Variants in ICE1 observed in about 807,000 individuals in gnomAD.
ICE1 encodes little elongation complex subunit 1.
A neutral mutation model predicts 192.7 loss-of-function variants in ICE1; 64 were observed. The observed-to-expected ratio is 0.33, with a 90% CI of 0.27 to 0.41. The LOEUF (loss-of-function observed/expected upper bound fraction) is 0.41, where lower values mean the gene tolerates loss of function less well. Among genes scored for constraint, ICE1 ranks in the 10% least tolerant of loss-of-function variants. ICE1 has a pLI of 1.00. For missense variants in ICE1, 2,708 were observed against 2,696.0 expected (o/e 1.00, Z -0.10); for synonymous variants, 1,010 against 984.5 (o/e 1.03, Z -0.49).
Position 5,489,505 on chromosome 5 carries a change from T to C in ICE1, c.*175T>C, listed in dbSNP as rs1739730614. The C allele has an allele frequency of 1.8e-6, 1 of 562,682 alleles. No individual in the cohort carries two copies. The allele number at this position is 562,682 out of a possible 1,614,324, so 34.9% of individuals were successfully genotyped here. A position where few individuals can be genotyped will look rare whatever the true frequency, so the allele number is the denominator to read the frequency against. On this transcript the variant is annotated 3_prime_UTR_variant, in exon 19 of 19. Transcript: ENST00000296564. ...GAGACAGGAGAAACAAGCAGTCGCA[T>C]AGTCGTTTTTCCCTAAATCTAATAC...
At chr5:5,481,111 A>G (rs1377263115) in intron 17 of ICE1, among the ~76,000 whole-genome samples, 1 of 152,198 alleles carries the variant, frequency 6.6e-6, no homozygotes, top group East Asian at 1.9e-4. Flanking sequence ...AGCTTCTCTT[A>G]TGAATTCAGG....
At chr5:5,439,188 A>G (rs960416044) in intron 3 of ICE1, among the ~76,000 whole-genome samples, 3 of 152,120 alleles carry the variant, frequency 2.0e-5, no homozygotes, top group Middle Eastern at 3.2e-3. Context: ...GAACTTTCCT[A>G]TTTTGCAAAG....
chr5:5,480,455 A>C (rs1175488944), intron 17 of ICE1, among the ~76,000 whole-genome samples: 3 of 151,770 alleles, frequency 2.0e-5, no homozygotes, highest in Admixed American at 2.0e-4. Context: ...TCATCATGTT[A>C]GCCAGGATGG....
chr5:5,469,841 T>C (rs376236964), intron 15 of ICE1, among the ~76,000 whole-genome samples: 175 of 152,206 alleles, frequency 1.1e-3, no homozygotes, highest in African/African-American at 3.9e-3. Context: ...CACAACAGAG[T>C]AGATTCATGT....
At position 5,451,151 on chromosome 5, in the gene ICE1, A is replaced by G. The variant is rs548580059; in HGVS notation, c.604+3254A>G. Among the ~76,000 whole-genome samples the G allele has an allele frequency of 6.6e-5, 10 of 152,326 alleles. No homozygotes were observed. In the South Asian group the frequency reaches 1.9e-3, roughly 28 times the overall value. Reference sequence around the variant, plus strand: ...AAACTTACCTAATAACTAAACTCACATAAGACACACAAAAAACCTCTCTTT... The same window carrying G: ...AAACTTACCTAATAACTAAACTCACGTAAGACACACAAAAAACCTCTCTTT... On this transcript the variant is annotated intron_variant, in intron 10 of 18. Coordinates refer to ENST00000296564, the MANE Select transcript of ICE1 (RefSeq NM_015325.3).
intron 17 of ICE1, among the ~76,000 whole-genome samples, chr5:5,486,512 C>T (rs981014863): frequency 2.6e-5 from 4 of 152,096 alleles, no homozygotes; most frequent in African/African-American, 7.3e-5. Context: ...TCACATTGGC[C>T]CTACTGAAAC....
At chr5:5,469,621 A>T (rs1290223446) in intron 15 of ICE1, among the ~76,000 whole-genome samples, 1 of 152,166 alleles carries the variant, frequency 6.6e-6, no homozygotes, top group Admixed American at 6.5e-5. Flanking sequence ...TTTAATGAGC[A>T]TGTATTTCCT....
intron 16 of ICE1, among the ~76,000 whole-genome samples, chr5:5,474,587 C>T (rs528696210): frequency 8.5e-5 from 13 of 152,336 alleles, no homozygotes; most frequent in South Asian, 6.2e-4. Context: ...TAACTTTTCT[C>T]TGTGCATCTA....
At position 5,464,253 on chromosome 5, in the gene ICE1, T is replaced by G; in HGVS notation, c.4919T>G (p.Ile1640Arg). 2 of 1,613,554 alleles carry G rather than the reference T, an allele frequency of 1.2e-6. No homozygotes were observed. The highest frequency in any genetic ancestry group is 1.6e-4 in the Middle Eastern group (1 of 6,062). The change falls in exon 13 of 19, where the codon ATA (isoleucine) becomes AGA (arginine). Residue 1640 changes from isoleucine (I) to arginine (R), a missense_variant. By Grantham distance (97) the Ile-to-Arg change is moderately conservative. Around this residue, in one of 2 missense-constraint regions of ICE1, gnomAD observed 2,366 missense variants for 2,276.6 expected, o/e 1.04. Coordinates refer to ENST00000296564, the MANE Select transcript of ICE1 (RefSeq NM_015325.3). This position sits in a 1 kb window ranked among gnomAD's most constrained non-coding sequence, Gnocchi z 4.0. Reference sequence around the variant, plus strand: ...TTGCCGCCTCTGCTTGCTCCTCTGATAGCTACACCTCCAAGGACTTCACAG... The same window carrying G: ...TTGCCGCCTCTGCTTGCTCCTCTGAGAGCTACACCTCCAAGGACTTCACAG... ...PPLPPLLAPL[I>R]ATPPRTSQPL... is the part of the protein sequence containing the mutation.
chr5:5,422,833 C>T lies in ICE1; in HGVS notation c.-83C>T, dbSNP rs1737346853. ...GGAAGCGGCCTGGCAGGCGGCGGCC[C>T]CGGCGGCATCAGCAGAGACAGGACG... On this transcript the variant is annotated 5_prime_UTR_variant, in exon 1 of 19. Transcript: ENST00000296564. The T allele has an allele frequency of 9.4e-7, 1 of 1,066,116 alleles. No individual in the cohort carries two copies. Among genetic ancestry groups the T allele is most frequent in the Non-Finnish European group, 1.2e-6 (1 of 838,678 alleles). The allele number at this position is 1,066,116 out of a possible 1,614,324, so 66.0% of individuals were successfully genotyped here. A position where few individuals can be genotyped will look rare whatever the true frequency, so the allele number is the denominator to read the frequency against.
chr5:5,430,124 A>G (rs1737657327), intron 1 of ICE1, among the ~76,000 whole-genome samples: 2 of 152,328 alleles, frequency 1.3e-5, no homozygotes, highest in South Asian at 4.1e-4. Flanking sequence ...GAGAGGAAGA[A>G]CACCTTGAAC....
chr5:5,475,368 T>C (rs1739277558), intron 16 of ICE1, among the ~76,000 whole-genome samples: 1 of 152,228 alleles, frequency 6.6e-6, no homozygotes, highest in African/African-American at 2.4e-5. Context: ...GGAGTGCTTT[T>C]AATTATCATT....
At chr5:5,460,385 A>T in intron 12 of ICE1, 51 bp from the exon 13 acceptor site, 1 of 1,078,264 alleles carries the variant, frequency 9.3e-7, no homozygotes, top group Non-Finnish European at 1.3e-6. Flanking sequence ...ATTGATAGTC[A>T]TGTTAATCTG....
chr5:5,465,194 G>T lies in ICE1; in HGVS notation c.5860G>T (p.Glu1954Ter). The stretch of plus-strand genomic sequence containing the variant: ...GCCCGTAATGAGAGATCAAGAGAAG[G>T]AAGTTGTTTATGAATTTAGCACAAC... ...KKPVMRDQEK[E>*]VVYEFSTTKK... Residue 1954 changes from glutamate to a stop codon, truncating the protein, a stop_gained, in exon 13 of 19, where the codon GAA becomes TAA. Transcript: ENST00000296564. LOFTEE classifies it high-confidence loss of function. The T allele has an allele frequency of 6.3e-7, 1 of 1,591,164 alleles. No individual in the cohort carries two copies.
rs76590956 is a variant in ICE1 at position 5,424,561 on chromosome 5, G to C, written c.84+1562G>C. On this transcript the variant is annotated intron_variant, in intron 1 of 18. Transcript: ENST00000296564. ...AAATTCTTGATCTCTTGGAGCTTCC[G>C]TTCTAGGAGGGTGGCAGGATAAATG... Among the ~76,000 whole-genome samples the C allele has an allele frequency of 6.1e-3, 922 of 152,256 alleles. 9 individuals carry two copies. The highest frequency in any genetic ancestry group is 0.021 in the African/African-American group (875 of 41,534).
At chr5:5,473,845 T>C in intron 16 of ICE1, 97 bp downstream of exon 16, 1 of 825,304 alleles carries the variant, frequency 1.2e-6, no homozygotes. Flanking sequence ...CGTTTAAGTG[T>C]GTAAGGCAGA....
At chr5:5,425,139 G>A (rs775367892) in intron 1 of ICE1, among the ~76,000 whole-genome samples, 10 of 152,056 alleles carry the variant, frequency 6.6e-5, no homozygotes, top group Non-Finnish European at 1.3e-4. Context: ...GATTGTGTCC[G>A]CTCTGCCTTC....
intron 10 of ICE1, among the ~76,000 whole-genome samples, chr5:5,449,392 C>CA (rs1390898295): frequency 1.3e-5 from 2 of 150,134 alleles, no homozygotes; most frequent in South Asian, 2.1e-4. Flanking sequence ...CTTCACTTTA[C>CA]AAAAAAAGGC....
At position 5,457,325 on chromosome 5, in the gene ICE1, C is replaced by T. The variant is rs1180715954; in HGVS notation, c.692-7C>T. ...TACCTGATACCTACTTTTGTTCCCC[C>T]ACATAGAAAAACCTGCCAAAGCAAT... On this transcript the variant is annotated splice_region_variant and splice_polypyrimidine_tract_variant and intron_variant, in intron 11 of 18. Coordinates refer to ENST00000296564, the MANE Select transcript of ICE1 (RefSeq NM_015325.3). 1 of 1,583,566 alleles carries T rather than the reference C, an allele frequency of 6.3e-7. No individual in the cohort carries two copies. Among genetic ancestry groups the T allele is most frequent in the South Asian group, 1.2e-5 (1 of 86,816 alleles).
Sources: gnomAD v4.1 joint callset for allele counts (sites outside exome capture counted in the v4.1 genomes callset) on GRCh38, gnomAD v4.1.1 for gene constraint, gnomAD v4.1.1 regional missense constraint, Gnocchi (gnomAD v3.1) non-coding constraint, MANE v1.5 for transcripts, NCBI Gene and HGNC (gene_info 2026-07-23, HGNC 2026-07-21) for gene names.